Variants in SVEP1 observed in about 807,000 individuals in gnomAD.
The protein encoded by SVEP1 is sushi, von Willebrand factor type A, EGF and pentraxin domain-containing protein 1.
Under a neutral mutation model 367.3 loss-of-function variants are expected in SVEP1, and 164 were observed. The ratio of observed to expected loss-of-function variants is 0.45; its 90% CI spans 0.39 to 0.51. The LOEUF is 0.51. Among genes scored for constraint, SVEP1 ranks in the 20% least tolerant of loss-of-function variants. SVEP1 has a pLI of 0.00. For synonymous variants in SVEP1, 1,666 were observed against 1,611.6 expected, an observed-to-expected ratio of 1.03 and a Z score of -0.81; for missense variants, 4,117 against 4,425.3, an observed-to-expected ratio of 0.93 and a Z score of 1.98.
At position 110,471,570 on chromosome 9, in the gene SVEP1, T is replaced by G; in HGVS notation, c.2792A>C (p.Asn931Thr). ...TASVPLPDER[N>T]DTLEWENQQR... The stretch of plus-strand genomic sequence containing the variant: ...CTGATTTTCCCATTCAAGGGTATCA[T>G]TTCTTTCATCGGGTAATGGCACACT... Residue 931 changes from asparagine (N) to threonine (T), a missense_variant, in exon 16 of 48, where the codon AAT becomes ACT. By Grantham distance (65) the Asn-to-Thr change is moderately conservative. Transcript: ENST00000374469. The G allele has an allele frequency of 6.2e-7, 1 of 1,613,806 alleles. No homozygotes were observed. The highest frequency in any genetic ancestry group is 8.5e-7 in the Non-Finnish European group (1 of 1,179,788).
intron 40 of SVEP1, among the ~76,000 whole-genome samples, chr9:110,390,312 T>TATATATGCTTATATATATACTTATATAA (rs1564127528): frequency 9.1e-5 from 1 of 10,988 alleles, no homozygotes; most frequent in African/African-American, 5.7e-4. Context: ...TATATAAGTA[T>TATATATGCTTATATATATACTTATATAA]GTGTATATAT....
rs180762250 is a variant in SVEP1, at chr9:110,384,565, A to G, written c.10237+1333T>C. On this transcript the variant is annotated intron_variant, in intron 43 of 47. Transcript: ENST00000374469. Reference sequence around the variant, plus strand: ...CTTGGGCTGTTGTGTATATCTTCCTATTAGGAAATATTGCTAATATGCACC... The same window carrying G: ...CTTGGGCTGTTGTGTATATCTTCCTGTTAGGAAATATTGCTAATATGCACC... 6.6e-5 allele frequency among the ~76,000 whole-genome samples: 10 copies of G among 150,782 alleles called. No individual in the cohort carries two copies. The East Asian group carries it at 1.6e-3, about 23-fold the overall frequency.
rs147930118 is a variant in SVEP1 at position 110,435,797 on chromosome 9, C to T, written c.4765-433G>A. On this transcript the variant is annotated intron_variant, in intron 28 of 47. Coordinates refer to ENST00000374469, the MANE Select transcript of SVEP1 (RefSeq NM_153366.4). ...AGCCTTTACTATGGGCCAAATAATA[C>T]CACAAATGTATATGTAGTATTTTGT... Among the ~76,000 whole-genome samples the T allele has an allele frequency of 2.4e-3, 369 of 152,240 alleles. 1 individual carries two copies. The highest frequency in any genetic ancestry group is 4.0e-3 in the Non-Finnish European group (270 of 68,018).
chr9:110,417,241 G>A (rs964079557), intron 36 of SVEP1, among the ~76,000 whole-genome samples: 5 of 144,736 alleles, frequency 3.5e-5, no homozygotes, highest in East Asian at 2.1e-4. Context: ...GACGGTGGGC[G>A]CAGGCCAGTG....
chr9:110,398,981 C>A (rs9722718), intron 40 of SVEP1, among the ~76,000 whole-genome samples: 40,075 of 152,074 alleles, frequency 0.26, 5,648 homozygotes, highest in South Asian at 0.32. Context: ...TTGACCCAGC[C>A]ATCCCATTAC....
At chr9:110,396,698 C>G (rs1564129981) in intron 40 of SVEP1, among the ~76,000 whole-genome samples, 1 of 147,152 alleles carries the variant, frequency 6.8e-6, no homozygotes. Flanking sequence ...AAACTACCAT[C>G]AGAATACTAT....
chr9:110,546,189 C>T lies in SVEP1; in HGVS notation c.890G>A (p.Gly297Glu), dbSNP rs1830218407. ...GCACTCAAAATGGCCTGTGTGTGTCCCACATTTGCAGCTTCCCATTCGGTC... is the reference window on the plus strand; with the variant it reads ...GCACTCAAAATGGCCTGTGTGTGTCTCACATTTGCAGCTTCCCATTCGGTC... Reference protein sequence around the residue: ...CCDRMGSCKCGTHTGHFECIC... With the variant: ...CCDRMGSCKCETHTGHFECIC... Residue 297 changes from glycine to glutamate, a missense_variant, in exon 3 of 48, where the codon GGG (glycine) becomes GAG (glutamate). Gly to Glu is a moderately conservative substitution (Grantham distance 98). Transcript: ENST00000374469. 2 of 1,565,682 alleles carry T rather than the reference C, an allele frequency of 1.3e-6. No homozygotes were observed. Among genetic ancestry groups the T allele is most frequent in the East Asian group, 4.7e-5 (2 of 42,282 alleles).
chr9:110,534,165 C>T (rs554158568), intron 3 of SVEP1, among the ~76,000 whole-genome samples: 1 of 152,204 alleles, frequency 6.6e-6, no homozygotes, highest in Admixed American at 6.5e-5. Context: ...TTTTCTGATC[C>T]TCTCATTCCC....
At chr9:110,510,050 A>G (rs1358437661) in intron 5 of SVEP1, among the ~76,000 whole-genome samples, 1 of 152,184 alleles carries the variant, frequency 6.6e-6, no homozygotes, top group Non-Finnish European at 1.5e-5. Context: ...CATCAGAGTC[A>G]GTGATAGAAA....
At position 110,463,667 on chromosome 9, in the gene SVEP1, A is replaced by C. The variant is rs1398871316; in HGVS notation, c.3322+2198T>G. Among the ~76,000 whole-genome samples, 6 of 148,882 alleles carry C rather than the reference A, an allele frequency of 4.0e-5. No homozygotes were observed. The East Asian group carries it at 1.2e-3, about 30-fold the overall frequency. ...GAAAGAAAGGCTGATGAAAGAAAGA[A>C]AGGCAGGCGAAAGAAAGGCAGGTGA... On this transcript the variant is annotated intron_variant, in intron 18 of 47. Transcript: ENST00000374469.
chr9:110,415,728 C>G (rs542082244), intron 36 of SVEP1, among the ~76,000 whole-genome samples: 1 of 151,842 alleles, frequency 6.6e-6, no homozygotes, highest in Non-Finnish European at 1.5e-5. Flanking sequence ...TAATACTTGA[C>G]GAATTACAAC....
Position 110,434,666 on chromosome 9 carries a change from T to TAAAAAAAAAAAAAAAAAAAAAAAAA in SVEP1, c.4889-161_4889-160insTTTTTTTTTTTTTTTTTTTTTTTTT, listed in dbSNP as rs71371668. ...CCAGATCACTGGCAAGCAAAATCAC[T>TAAAAAAAAAAAAAAAAAAAAAAAAA]AAAAAAAAAAAAAAAAAAAAGCATT... On this transcript the variant is annotated intron_variant, in intron 29 of 47. Coordinates refer to ENST00000374469, the MANE Select transcript of SVEP1 (RefSeq NM_153366.4). 1.7e-4 allele frequency among the ~76,000 whole-genome samples: 7 copies of TAAAAAAAAAAAAAAAAAAAAAAAAA among 40,630 alleles called. 2 individuals carry two copies. Among genetic ancestry groups the TAAAAAAAAAAAAAAAAAAAAAAAAA allele is most frequent in the African/African-American group, 3.1e-4 (3 of 9,744 alleles). 26.7% of individuals were successfully genotyped at this position (40,630 alleles called of 152,430 possible).
At chr9:110,498,881 C>T (rs1219502687) in intron 7 of SVEP1, among the ~76,000 whole-genome samples, 160 bp downstream of exon 7, 2 of 152,140 alleles carry the variant, frequency 1.3e-5, no homozygotes, top group Non-Finnish European at 2.9e-5. Flanking sequence ...TGTAAATTCA[C>T]CACTTTCAAC....
At chr9:110,386,287 G>T (rs1827520663) in intron 42 of SVEP1, among the ~76,000 whole-genome samples, 1 of 152,164 alleles carries the variant, frequency 6.6e-6, no homozygotes, top group South Asian at 2.1e-4. Flanking sequence ...CAGAAAACAT[G>T]AAGTTATTCA....
Position 110,404,485 on chromosome 9 carries a change from A to G in SVEP1, c.9508T>C (p.Phe3170Leu). 1 of 1,613,974 alleles carries G rather than the reference A, an allele frequency of 6.2e-7. No individual in the cohort carries two copies. The highest frequency in any genetic ancestry group is 8.5e-7 in the Non-Finnish European group (1 of 1,179,880). The change falls in exon 39 of 48, where the codon TTC becomes CTC. Residue 3170 changes from phenylalanine (F) to leucine (L), a missense_variant. Coordinates refer to ENST00000374469, the MANE Select transcript of SVEP1 (RefSeq NM_153366.4). The stretch of plus-strand genomic sequence containing the variant: ...GGACTGCAGGAGATTCTCTCAGGGA[A>G]CCAGCGACCATCTTTCTGACAGGTG... ...TFTCQKDGRW[F>L]PERISCSPKK...
chr9:110,459,007 A>G lies in SVEP1; in HGVS notation c.3429T>C (p.Cys1143=). ...CGAATGGGGTAGTTCCATAAAAGGG[A>G]CAGGCCAGGCAGAAGGCCTTCCCTG... The part of the protein sequence containing the change: ...PNAGKAFCLA[C]PFYGTTPFAG... Residue 1143 remains cysteine (C), a synonymous_variant, in exon 19 of 48, where the codon TGT becomes TGC. Coordinates refer to ENST00000374469, the MANE Select transcript of SVEP1 (RefSeq NM_153366.4). The G allele has an allele frequency of 6.2e-7, 1 of 1,613,834 alleles. No homozygotes were observed. The highest frequency in any genetic ancestry group is 8.5e-7 in the Non-Finnish European group (1 of 1,179,780).
chr9:110,482,411 G>A lies in SVEP1; in HGVS notation c.2120C>T (p.Thr707Ile). ...QGETIVQYTA[T>I]DPSGNNRTCD... ...TGTCCTGTTATTGCCTGAGGGGTCA[G>A]TGGCTGTATACTGTACTATAGTCTC... The change falls in exon 11 of 48, where the codon ACT (threonine) becomes ATT (isoleucine). Residue 707 changes from threonine to isoleucine, a missense_variant. This residue lies in a region of SVEP1 where 2,174 missense variants were observed against 2,494.3 expected (regional missense o/e 0.87). Coordinates refer to ENST00000374469, the MANE Select transcript of SVEP1 (RefSeq NM_153366.4). 1 of 1,611,946 alleles carries A rather than the reference G, an allele frequency of 6.2e-7. No homozygotes were observed. Among genetic ancestry groups the A allele is most frequent in the East Asian group, 2.2e-5 (1 of 44,864 alleles).
chr9:110,538,887 T>C (rs140803876), intron 3 of SVEP1, among the ~76,000 whole-genome samples: 1 of 152,116 alleles, frequency 6.6e-6, no homozygotes. Flanking sequence ...GATCTATCCA[T>C]CTTAAAATGA....
chr9:110,389,378 A>T, intron 41 of SVEP1, 146 bp downstream of exon 41: 1 of 830,946 alleles, frequency 1.2e-6, no homozygotes, highest in Non-Finnish European at 1.8e-6. Context: ...TGCCCTTGAG[A>T]AAAAGCCCAT....
Sources: allele counts gnomAD v4.1 joint callset (sites outside exome capture counted in the v4.1 genomes callset), GRCh38; gene constraint gnomAD v4.1.1; regional missense constraint gnomAD v4.1.1; transcripts MANE v1.5; gene names NCBI Gene and HGNC (gene_info 2026-07-23, HGNC 2026-07-21).